The following ATP6V0A2 variants were observed in gnomAD, a reference collection of about 807,000 sequenced individuals.
ATP6V0A2 encodes the protein V-type proton ATPase 116 kDa subunit a 2.
Under a neutral mutation model 104.4 loss-of-function variants are expected in ATP6V0A2, and 58 were observed. The observed-to-expected ratio is 0.56, with a 90% CI of 0.45 to 0.69. The LOEUF is 0.69. Ranked by LOEUF, ATP6V0A2 falls within the 30% of genes least tolerant of loss-of-function variation. ATP6V0A2 has a pLI of 0.00. For missense variants in ATP6V0A2, 938 were observed against 1,062.9 expected, an observed-to-expected ratio of 0.88 and a Z score of 1.63; for synonymous variants, 376 against 397.9, an observed-to-expected ratio of 0.95 and a Z score of 0.65.
chr12:123,754,272 G>A (rs1956742504), intron 17 of ATP6V0A2, 148 bp from the exon 18 acceptor site: 1 of 691,396 alleles, frequency 1.4e-6, no homozygotes, highest in Non-Finnish European at 2.6e-6. Flanking sequence ...GTGCGTCTGG[G>A]GTTTCTGTTC....
Position 123,754,022 on chromosome 12 carries a change from C to T in ATP6V0A2, c.2176-398C>T, listed in dbSNP as rs1272154481. On this transcript the variant is annotated intron_variant, in intron 17 of 19. Transcript: ENST00000330342. ...CTTAGAATGCTCACATCTAGTGAATCGCAGTCTACTCTTAGGGTTGGTGAA... is the reference window on the plus strand; with the variant it reads ...CTTAGAATGCTCACATCTAGTGAATTGCAGTCTACTCTTAGGGTTGGTGAA... 18 of 258,780 alleles carry T rather than the reference C, an allele frequency of 7.0e-5. No homozygotes were observed. The East Asian group carries it at 9.3e-4, about 13-fold the overall frequency. The allele number at this position is 258,780 out of a possible 1,614,324, so 16.0% of individuals were successfully genotyped here.
In ATP6V0A2 at chr12:123,744,449, G is replaced by T; in HGVS notation, c.1326+112G>T. The stretch of plus-strand genomic sequence containing the variant: ...TAGGCTGCGGCTGTGCTGGGCAGGT[G>T]TGTGGCCTGTCAGCTGCGGCTGACA... On this transcript the variant is annotated intron_variant, in intron 11 of 19. Transcript: ENST00000330342. The surrounding 1 kb of genome is among the most constrained non-coding windows in gnomAD (Gnocchi z 5.4). The T allele has an allele frequency of 1.3e-6, 2 of 1,564,336 alleles. No homozygotes were observed. Among genetic ancestry groups the T allele is most frequent in the South Asian group, 1.1e-5 (1 of 89,450 alleles).
At chr12:123,717,301 C>T (rs146485422) in intron 1 of ATP6V0A2, among the ~76,000 whole-genome samples, 1,885 of 121,154 alleles carry the variant, frequency 0.016, 23 homozygotes, top group Non-Finnish European at 0.022. Flanking sequence ...GGCAACAGAG[C>T]GAAACTCTGT....
intron 17 of ATP6V0A2, chr12:123,754,053 A>G (rs1956740633): frequency 1.2e-5 from 4 of 346,748 alleles, no homozygotes; most frequent in Non-Finnish European, 2.1e-5. Context: ...GTGAATACCT[A>G]TTTTATCAGT....
At chr12:123,729,711 T>G (rs145923697) in intron 6 of ATP6V0A2, among the ~76,000 whole-genome samples, 4 of 152,302 alleles carry the variant, frequency 2.6e-5, no homozygotes, top group Admixed American at 6.5e-5. Flanking sequence ...GAGGAAAGGT[T>G]GTTTTTTTTC....
intron 17 of ATP6V0A2, among the ~76,000 whole-genome samples, chr12:123,753,679 G>A (rs1251776919): frequency 6.6e-6 from 1 of 152,248 alleles, no homozygotes; most frequent in Non-Finnish European, 1.5e-5. Context: ...TTGGGGGTAC[G>A]AGGCTGGACA....
chr12:123,755,191 G>A (rs903959253), intron 18 of ATP6V0A2, among the ~76,000 whole-genome samples: 8 of 152,132 alleles, frequency 5.3e-5, no homozygotes, highest in Admixed American at 2.0e-4. Flanking sequence ...GTTTCAGGAC[G>A]TTGAAGGTTT....
At chr12:123,730,605 T>C (rs1956493100) in intron 6 of ATP6V0A2, 1 of 152,232 alleles carries the variant, frequency 6.6e-6, no homozygotes, top group African/African-American at 2.4e-5. Context: ...GTTGTGACCT[T>C]GATGACTTTT....
At chr12:123,726,360 A>G (rs1053708177) in intron 5 of ATP6V0A2, 75 bp downstream of exon 5, 3 of 1,018,286 alleles carry the variant, frequency 2.9e-6, no homozygotes, top group East Asian at 4.7e-5. Flanking sequence ...CATAGAAGGG[A>G]TGAATGGAGA....
At chr12:123,714,361 T>C (rs1956320386) in intron 1 of ATP6V0A2, among the ~76,000 whole-genome samples, 1 of 152,156 alleles carries the variant, frequency 6.6e-6, no homozygotes, top group South Asian at 2.1e-4. Flanking sequence ...AGGTTTTCAG[T>C]GTGTCTTCAG....
At position 123,726,226 on chromosome 12, in the gene ATP6V0A2, C is replaced by T; in HGVS notation, c.462C>T (p.Ser154=). The T allele has an allele frequency of 6.2e-7, 1 of 1,613,458 alleles. No homozygotes were observed. The highest frequency in any genetic ancestry group is 8.5e-7 in the Non-Finnish European group (1 of 1,179,484). ...AACCCACTTATGAAGAATTCCCTTC[C>T]TTAGAGAGTGATTCTTTGTTGGATT... is the stretch of plus-strand genomic sequence containing the variant. ...EFEPTYEEFP[S]LESDSLLDYS... is the part of the protein sequence containing the mutation. The change falls in exon 5 of 20, where the codon TCC becomes TCT. Residue 154 remains serine, a synonymous_variant. Transcript: ENST00000330342.
intron 18 of ATP6V0A2, 60 bp downstream of exon 18, chr12:123,754,597 G>A (rs1355206934): frequency 3.3e-6 from 4 of 1,197,184 alleles, no homozygotes; most frequent in Non-Finnish European, 3.7e-6. Context: ...GACTCAGGGG[G>A]CACTGTGGGA....
chr12:123,712,553 G>T lies in ATP6V0A2; in HGVS notation c.-13G>T, dbSNP rs776005053. ...CCGCCCATCGAGCCCCTCCGGGCGC[G>T]GGTCGGCCCGCCATGGGGTCCCTGT... is the stretch of plus-strand genomic sequence containing the variant. On this transcript the variant is annotated 5_prime_UTR_variant, in exon 1 of 20. Transcript: ENST00000330342. 4 of 1,567,552 alleles carry T rather than the reference G, an allele frequency of 2.6e-6. No individual in the cohort carries two copies. The highest frequency in any genetic ancestry group is 1.2e-5 in the South Asian group (1 of 86,804).
chr12:123,749,252 G>C (rs912332477), intron 15 of ATP6V0A2, among the ~76,000 whole-genome samples: 1 of 152,138 alleles, frequency 6.6e-6, no homozygotes, highest in African/African-American at 2.4e-5. Flanking sequence ...CTGCACCACT[G>C]CACTCCAGCC....
In ATP6V0A2 at chr12:123,752,354, G is replaced by C. The variant is rs145709161; in HGVS notation, c.2127G>C (p.Glu709Asp). Reference protein sequence around the residue: ...VSLLGSQDIEEGNHQVEDGCR... With the variant: ...VSLLGSQDIEDGNHQVEDGCR... The stretch of plus-strand genomic sequence containing the variant: ...TGCTGGGAAGCCAAGATATAGAAGA[G>C]GGAAATCACCAGGTGGAAGATGGAT... Residue 709 changes from glutamate (E) to aspartate (D), a missense_variant, in exon 17 of 20, where the codon GAG (glutamate) becomes GAC (aspartate). Transcript: ENST00000330342. 1 of 1,614,006 alleles carries C rather than the reference G, an allele frequency of 6.2e-7. No homozygotes were observed. The highest frequency in any genetic ancestry group is 1.3e-5 in the African/African-American group (1 of 74,914).
chr12:123,758,171 A>G lies in ATP6V0A2; in HGVS notation c.*139A>G. 3.3e-6 allele frequency: 2 copies of G among 605,554 alleles called. No homozygotes were observed. The highest frequency in any genetic ancestry group is 2.1e-5 in the South Asian group (1 of 47,782). The allele number at this position is 605,554 out of a possible 1,614,324, so 37.5% of individuals were successfully genotyped here. A position where few individuals can be genotyped will look rare whatever the true frequency, so the allele number is the denominator to read the frequency against. On this transcript the variant is annotated 3_prime_UTR_variant, in exon 20 of 20. Transcript: ENST00000330342. The stretch of plus-strand genomic sequence containing the variant: ...ACATAGCCAAATAATTCTGTAAGAT[A>G]TACCTCTTCCTCATATGTTAAATAT...
At chr12:123,737,687 C>T (rs1956569214) in intron 9 of ATP6V0A2, 1 of 268,644 alleles carries the variant, frequency 3.7e-6, no homozygotes, top group Non-Finnish European at 7.3e-6. Flanking sequence ...GTATGAAAGA[C>T]ACAGTGCAGT....
intron 18 of ATP6V0A2, chr12:123,754,847 G>A (rs911434523): frequency 3.6e-5 from 15 of 418,698 alleles, no homozygotes; most frequent in African/African-American, 7.9e-5. Context: ...AGCCTCTGGT[G>A]TAAGCACTTG....
At chr12:123,736,744 C>T (rs1366681264) in intron 8 of ATP6V0A2, among the ~76,000 whole-genome samples, 1 of 152,104 alleles carries the variant, frequency 6.6e-6, no homozygotes, top group Non-Finnish European at 1.5e-5. Context: ...CTTGCTGGAT[C>T]CTGGTAGGCC....
Sources: allele counts gnomAD v4.1 joint callset (sites outside exome capture counted in the v4.1 genomes callset), GRCh38; gene constraint gnomAD v4.1.1; non-coding constraint Gnocchi (gnomAD v3.1); transcripts MANE v1.5; gene names NCBI Gene and HGNC (gene_info 2026-07-23, HGNC 2026-07-21).